Variants in STAMBPL1 observed in about 807,000 individuals in gnomAD.
STAMBPL1 encodes the protein STAM binding protein like 1.
STAMBPL1 carries 44 observed loss-of-function variants against 52.9 expected under a neutral mutation model. The observed-to-expected ratio is 0.83, with a 90% CI of 0.65 to 1.07. The LOEUF (loss-of-function observed/expected upper bound fraction) is 1.07. Ranked by LOEUF, STAMBPL1 falls within the 50% of genes least tolerant of loss-of-function variation. The probability of loss-of-function intolerance (pLI) is 0.00; values close to 1 mark genes in which losing one functional copy is unlikely to be tolerated. For synonymous variants in STAMBPL1, 164 were observed against 177.3 expected (o/e 0.92, Z 0.60); for missense variants, 511 against 520.8 (o/e 0.98, Z 0.18).
At chr10:88,886,544 A>T (rs1844538444) in intron 1 of STAMBPL1, among the ~76,000 whole-genome samples, 3 of 152,136 alleles carry the variant, frequency 2.0e-5, no homozygotes, top group Admixed American at 2.0e-4. Context: ...AAACGGCTGC[A>T]ATGCTTAGGT....
chr10:88,889,565 T>C (rs1844625599), intron 1 of STAMBPL1, among the ~76,000 whole-genome samples: 1 of 152,188 alleles, frequency 6.6e-6, no homozygotes, highest in Non-Finnish European at 1.5e-5. Context: ...TGGTGCAAAC[T>C]TTTTTATTCT....
At chr10:88,899,163 T>G (rs1050350957) in intron 1 of STAMBPL1, among the ~76,000 whole-genome samples, 5 of 152,182 alleles carry the variant, frequency 3.3e-5, no homozygotes, top group South Asian at 2.1e-4. Context: ...GAAGTTTGTG[T>G]TTTTTTTCAT....
chr10:88,889,110 A>G (rs995268214), intron 1 of STAMBPL1, among the ~76,000 whole-genome samples: 5 of 152,216 alleles, frequency 3.3e-5, no homozygotes, highest in African/African-American at 1.2e-4. Flanking sequence ...TTCAGTACAA[A>G]TAGATGTAAG....
chr10:88,894,788 A>G (rs1276968770), intron 1 of STAMBPL1, among the ~76,000 whole-genome samples: 1 of 152,228 alleles, frequency 6.6e-6, no homozygotes, highest in East Asian at 1.9e-4. Context: ...TTTCTATTTT[A>G]AGTTAAGGAG....
In STAMBPL1 at chr10:88,922,331, A is replaced by G. The variant is rs1359641768; in HGVS notation, c.1155-6A>G. 1 of 1,613,124 alleles carries G rather than the reference A, an allele frequency of 6.2e-7. No individual in the cohort carries two copies. Among genetic ancestry groups the G allele is most frequent in the Non-Finnish European group, 8.5e-7 (1 of 1,179,562 alleles). On this transcript the variant is annotated splice_polypyrimidine_tract_variant and splice_region_variant and intron_variant, in intron 9 of 10. Transcript: ENST00000371926. ...TTTTCTATCTTGTTTTTGCTCTGAA[A>G]TTTAGCACTGGCATCTTCAGGCTCA...
chr10:88,916,624 G>GT, intron 7 of STAMBPL1, 56 bp from the exon 8 acceptor site: 1 of 1,514,702 alleles, frequency 6.6e-7, no homozygotes, highest in Non-Finnish European at 8.9e-7. Context: ...TTCCTGTTCA[G>GT]TTATTTTTTT....
chr10:88,901,565 T>C (rs1589363874), intron 1 of STAMBPL1, 91 bp from the exon 2 acceptor site: 3 of 657,188 alleles, frequency 4.6e-6, no homozygotes, highest in Non-Finnish European at 2.6e-6. Flanking sequence ...TTTGTTCCTG[T>C]TTGTCTGAGG....
At chr10:88,891,085 G>A (rs1844669851) in intron 1 of STAMBPL1, among the ~76,000 whole-genome samples, 1 of 152,146 alleles carries the variant, frequency 6.6e-6, no homozygotes, top group Non-Finnish European at 1.5e-5. Flanking sequence ...AAGGAAAAAG[G>A]CCATTCTGCC....
intron 1 of STAMBPL1, chr10:88,882,324 A>C: frequency 6.6e-6 from 1 of 152,314 alleles, no homozygotes; most frequent in Middle Eastern, 3.4e-3. Context: ...TTGCTTCTGG[A>C]GGAGAGAGTG....
At chr10:88,911,835 A>T (rs1457215123) in intron 5 of STAMBPL1, among the ~76,000 whole-genome samples, 1 of 152,182 alleles carries the variant, frequency 6.6e-6, no homozygotes, top group Non-Finnish European at 1.5e-5. Flanking sequence ...TCAAGTGTGT[A>T]TATTAATAAT....
At chr10:88,894,681 T>C (rs1164232652) in intron 1 of STAMBPL1, among the ~76,000 whole-genome samples, 8 of 152,198 alleles carry the variant, frequency 5.3e-5, no homozygotes, top group Non-Finnish European at 7.3e-5. Context: ...AGTTGCCTTT[T>C]AAGTGATTTT....
Position 88,914,671 on chromosome 10 carries a change from T to TATATAA in STAMBPL1, c.903+19_903+24dup, listed in dbSNP as rs771914190. On this transcript the variant is annotated intron_variant, in intron 7 of 10. Coordinates refer to ENST00000371926, the MANE Select transcript of STAMBPL1 (RefSeq NM_020799.4). ...CTGTGGAAAACTGGTATGATCTTTTTATATAAATATATATATATATATATC... is the reference window on the plus strand; with the variant it reads ...CTGTGGAAAACTGGTATGATCTTTTTATATAAATATAAATATATATATATATATATC... 8.1e-5 allele frequency: 82 copies of TATATAA among 1,015,584 alleles called. 1 individual carries two copies. Among genetic ancestry groups the TATATAA allele is most frequent in the Admixed American group, 1.8e-4 (4 of 22,378 alleles). 62.9% of individuals were successfully genotyped at this position (1,015,584 alleles called of 1,614,324 possible).
At chr10:88,898,231 A>G (rs190176562) in intron 1 of STAMBPL1, among the ~76,000 whole-genome samples, 4 of 152,346 alleles carry the variant, frequency 2.6e-5, no homozygotes, top group Admixed American at 2.0e-4. Context: ...AGACATTTAT[A>G]AGAGTATGCA....
intron 1 of STAMBPL1, among the ~76,000 whole-genome samples, chr10:88,881,223 GA>G (rs1844398184): frequency 6.6e-6 from 1 of 152,128 alleles, no homozygotes; most frequent in African/African-American, 2.4e-5. Context: ...GATGCACAAA[GA>G]AATGGAATGT....
Position 88,905,660 on chromosome 10 carries a change from CGTAA to C in STAMBPL1, c.248+3_248+6del. On this transcript the variant is annotated splice_donor_variant and splice_donor_region_variant and intron_variant, in intron 3 of 10. Transcript: ENST00000371926. LOFTEE classifies it high-confidence loss of function. ...TTTGTTCTTTATAATAAATTTATAA[CGTAA>C]GTGTTTTAAAGGCCTCTGAAGTGAG... The C allele has an allele frequency of 6.2e-7, 1 of 1,610,634 alleles. No individual in the cohort carries two copies.
intron 8 of STAMBPL1, 59 bp from the exon 9 acceptor site, chr10:88,921,224 G>A (rs1845502214): frequency 7.6e-7 from 1 of 1,309,038 alleles, no homozygotes; most frequent in East Asian, 2.4e-5. Context: ...TATTAAAATA[G>A]CCTATGGCCT....
Position 88,911,552 on chromosome 10 carries a change from G to A in STAMBPL1, c.420+541G>A, listed in dbSNP as rs556020060. On this transcript the variant is annotated intron_variant, in intron 5 of 10. Coordinates refer to ENST00000371926, the MANE Select transcript of STAMBPL1 (RefSeq NM_020799.4). ...GTGAACATTATGATAATGTCTGAGA[G>A]GCAGAAAGGCATTGGAAGAAGAAAT... Among the ~76,000 whole-genome samples the A allele has an allele frequency of 5.9e-5, 9 of 152,302 alleles. No individual in the cohort carries two copies. The South Asian group carries it at 8.3e-4, about 14-fold the overall frequency.
At chr10:88,911,059 A>G (rs372569176) in intron 5 of STAMBPL1, 48 bp downstream of exon 5, 1 of 1,229,254 alleles carries the variant, frequency 8.1e-7, no homozygotes, top group Non-Finnish European at 1.1e-6. Context: ...ATGTACAAGT[A>G]TTTTTTGAAT....
chr10:88,890,202 C>G (rs560835173), intron 1 of STAMBPL1, among the ~76,000 whole-genome samples: 12 of 152,272 alleles, frequency 7.9e-5, no homozygotes, highest in Non-Finnish European at 1.8e-4. Context: ...AAAGAAGGCT[C>G]TAAGGAGGCA....
Sources: gnomAD v4.1 joint callset for allele counts (sites outside exome capture counted in the v4.1 genomes callset) on GRCh38, gnomAD v4.1.1 for gene constraint, MANE v1.5 for transcripts, NCBI Gene and HGNC (gene_info 2026-07-23, HGNC 2026-07-21) for gene names.